Variants in SSBP3 observed in about 807,000 individuals in gnomAD.
SSBP3 encodes single stranded DNA binding protein 3.
Under a neutral mutation model 69.6 loss-of-function variants are expected in SSBP3, and 5 were observed. The ratio of observed to expected loss-of-function variants is 0.07; its 90% CI spans 0.04 to 0.15. SSBP3 has a LOEUF of 0.15. Ranked by LOEUF, SSBP3 falls within the 10% of genes least tolerant of loss-of-function variation. The pLI is 1.00. For synonymous variants in SSBP3, 196 were observed against 193.4 expected (o/e 1.01, Z -0.11); for missense variants, 312 against 534.0 (o/e 0.58, Z 4.10).
intron 5 of SSBP3, among the ~76,000 whole-genome samples, chr1:54,272,488 T>TAA (rs1170938104): frequency 0.053 from 7,785 of 147,930 alleles, 657 homozygotes; most frequent in African/African-American, 0.17. Flanking sequence ...ACCTTTTTTT[T>TAA]AAAAAAAAAA....
intron 3 of SSBP3, among the ~76,000 whole-genome samples, chr1:54,402,743 A>G (rs931435225): frequency 3.3e-5 from 5 of 152,160 alleles, no homozygotes; most frequent in Non-Finnish European, 5.9e-5. Flanking sequence ...CCCCCACTAA[A>G]GATTTTGTAT....
intron 4 of SSBP3, among the ~76,000 whole-genome samples, chr1:54,361,427 G>A (rs951170058): frequency 2.0e-5 from 3 of 152,020 alleles, no homozygotes; most frequent in Admixed American, 6.6e-5. Flanking sequence ...GTGGAAAACC[G>A]AACAACCCTA....
chr1:54,299,203 A>G (rs1417654185), intron 4 of SSBP3, among the ~76,000 whole-genome samples: 1 of 152,042 alleles, frequency 6.6e-6, no homozygotes, highest in Admixed American at 6.6e-5. Context: ...CTAGCCAAGT[A>G]CACACACACA....
At chr1:54,238,430 G>A (rs928117068) in intron 14 of SSBP3, 1 of 416,876 alleles carries the variant, frequency 2.4e-6, no homozygotes, top group Non-Finnish European at 5.0e-6. Context: ...AGGAAGGGAA[G>A]GAACTAGAAT....
At chr1:54,392,681 C>G (rs960012558) in intron 4 of SSBP3, among the ~76,000 whole-genome samples, 7 of 152,190 alleles carry the variant, frequency 4.6e-5, no homozygotes, top group Non-Finnish European at 7.3e-5. Context: ...GAATCAAATC[C>G]TTCTCACTTC....
intron 4 of SSBP3, among the ~76,000 whole-genome samples, chr1:54,317,052 A>T (rs556648339): frequency 6.6e-6 from 1 of 152,278 alleles, no homozygotes; most frequent in East Asian, 1.9e-4. Flanking sequence ...CAACAATGTG[A>T]ATTTTGGGGA....
At chr1:54,343,538 G>A (rs975483653) in intron 4 of SSBP3, among the ~76,000 whole-genome samples, 2 of 152,240 alleles carry the variant, frequency 1.3e-5, no homozygotes, top group Non-Finnish European at 2.9e-5. Flanking sequence ...TGGCAGGGGA[G>A]CAGGTCTGCC....
intron 14 of SSBP3, 77 bp downstream of exon 14, chr1:54,239,052 G>T: frequency 8.1e-7 from 1 of 1,241,698 alleles, no homozygotes; most frequent in Non-Finnish European, 1.2e-6. Context: ...AATTAAACTT[G>T]CTTTCCCCTC....
At chr1:54,260,024 T>C (rs1644991273) in intron 5 of SSBP3, among the ~76,000 whole-genome samples, 1 of 152,146 alleles carries the variant, frequency 6.6e-6, no homozygotes, top group African/African-American at 2.4e-5. Flanking sequence ...ATGGCACTGA[T>C]TAGAGGGTCC....
Position 54,240,065 on chromosome 1 carries a change from T to C in SSBP3, c.856+840A>G, listed in dbSNP as rs1436106654. Among the ~76,000 whole-genome samples the C allele has an allele frequency of 3.4e-4, 12 of 34,918 alleles. No individual in the cohort carries two copies. In the South Asian group the frequency reaches 7.7e-3, roughly 22 times the overall value. The allele number at this position is 34,918 out of a possible 152,430, so 22.9% of individuals were successfully genotyped here. A position where few individuals can be genotyped will look rare whatever the true frequency, so the allele number is the denominator to read the frequency against. On this transcript the variant is annotated intron_variant, in intron 13 of 17. Transcript: ENST00000610401. ...GTGATGGGGTGTGTGTGTGTGTGTG[T>C]GTGTGTGTGTGTGTGTGTGTGTGCG...
At chr1:54,241,182 T>G (rs1030515865) in intron 12 of SSBP3, among the ~76,000 whole-genome samples, 24 of 152,188 alleles carry the variant, frequency 1.6e-4, no homozygotes, top group African/African-American at 5.1e-4. Flanking sequence ...TGGGTGTGTG[T>G]GCCTGCATTA....
chr1:54,241,623 G>C, intron 11 of SSBP3, 114 bp from the exon 12 acceptor site: 1 of 1,122,102 alleles, frequency 8.9e-7, no homozygotes, highest in South Asian at 1.3e-5. Flanking sequence ...CACCCAGTGA[G>C]CTGGCCACCC....
rs56281276 is a variant in SSBP3, at chr1:54,240,087, T to TGCGC, written c.856+814_856+817dup. 1.7e-4 allele frequency among the ~76,000 whole-genome samples: 7 copies of TGCGC among 42,342 alleles called. 1 individual carries two copies. The highest frequency in any genetic ancestry group is 5.0e-4 in the Admixed American group (2 of 3,990). The allele number at this position is 42,342 out of a possible 152,430, so 27.8% of individuals were successfully genotyped here. A position where few individuals can be genotyped will look rare whatever the true frequency, so the allele number is the denominator to read the frequency against. ...GTGTGTGTGTGTGTGTGTGTGTGTGTGCGCGCGCGCGCGTGTGCGTGCGCG... is the reference window on the plus strand; with the variant it reads ...GTGTGTGTGTGTGTGTGTGTGTGTGTGCGCGCGCGCGCGCGCGTGTGCGTGCGCG... On this transcript the variant is annotated intron_variant, in intron 13 of 17. Coordinates refer to ENST00000610401, the Ensembl canonical transcript of SSBP3.
intron 4 of SSBP3, among the ~76,000 whole-genome samples, chr1:54,335,220 C>A (rs1646488541): frequency 6.6e-6 from 1 of 152,214 alleles, no homozygotes; most frequent in African/African-American, 2.4e-5. Flanking sequence ...GCCACATGTG[C>A]AAACTGTTGT....
chr1:54,325,187 C>G (rs1254920930), intron 4 of SSBP3, among the ~76,000 whole-genome samples: 1 of 152,200 alleles, frequency 6.6e-6, no homozygotes, highest in Non-Finnish European at 1.5e-5. Context: ...CATCCCAGCA[C>G]GAGTCACTCC....
intron 11 of SSBP3, among the ~76,000 whole-genome samples, chr1:54,241,752 G>A (rs999245831): frequency 6.6e-6 from 1 of 152,232 alleles, no homozygotes; most frequent in Non-Finnish European, 1.5e-5. Context: ...CACAGACACA[G>A]GGAGGACATA....
intron 4 of SSBP3, chr1:54,285,372 C>G (rs1396264493): frequency 6.6e-6 from 1 of 152,154 alleles, no homozygotes; most frequent in Non-Finnish European, 1.5e-5. Context: ...CGCTGAATCC[C>G]TGCACCAACC....
intron 4 of SSBP3, among the ~76,000 whole-genome samples, chr1:54,371,740 G>A (rs987773722): frequency 1.3e-5 from 2 of 152,148 alleles, no homozygotes; most frequent in Non-Finnish European, 2.9e-5. Context: ...ACTGGGCACC[G>A]TGCCCACGTT....
chr1:54,276,619 A>AAAAAAAAAAAAAAAAAAAAAAAAAAC (rs1645293299), intron 5 of SSBP3, among the ~76,000 whole-genome samples: 1 of 150,368 alleles, frequency 6.7e-6, no homozygotes, highest in African/African-American at 2.5e-5. Flanking sequence ...AAAAAAAAAA[A>AAAAAAAAAAAAAAAAAAAAAAAAAAC]AAAAAAAAAA....
Sources: gnomAD v4.1 joint callset for allele counts (sites outside exome capture counted in the v4.1 genomes callset) on GRCh38, gnomAD v4.1.1 for gene constraint, MANE v1.5 for transcripts, NCBI Gene and HGNC (gene_info 2026-07-23, HGNC 2026-07-21) for gene names.